The following SNRPA1 variants were observed in gnomAD, a reference collection of about 807,000 sequenced individuals.
SNRPA1 encodes the protein small nuclear ribonucleoprotein polypeptide A'.
A neutral mutation model predicts 32.3 loss-of-function variants in SNRPA1; 5 were observed. That is an observed-to-expected ratio of 0.15 (90% confidence interval 0.08 to 0.33). The LOEUF is 0.33. SNRPA1 is among the 10% of genes least tolerant of loss of function. SNRPA1 has a pLI of 1.00. For synonymous variants in SNRPA1, 111 were observed against 120.1 expected, an observed-to-expected ratio of 0.92 and a Z score of 0.50; for missense variants, 198 against 311.1, an observed-to-expected ratio of 0.64 and a Z score of 2.74.
intron 6 of SNRPA1, 71 bp from the exon 7 acceptor site, chr15:101,285,872 C>G: frequency 4.2e-6 from 5 of 1,185,896 alleles, no homozygotes; most frequent in East Asian, 2.3e-5. Context: ...CTTTCAAAAG[C>G]TTTTGAAAGT....
intron 3 of SNRPA1, among the ~76,000 whole-genome samples, chr15:101,291,001 A>G (rs1207340013): frequency 6.6e-6 from 1 of 151,902 alleles, no homozygotes; most frequent in East Asian, 1.9e-4. Context: ...CGGCCTCCCA[A>G]AGTGCTGGGA....
chr15:101,285,628 A>G, intron 7 of SNRPA1, 98 bp downstream of exon 7: 1 of 819,130 alleles, frequency 1.2e-6, no homozygotes, highest in Non-Finnish European at 2.1e-6. Flanking sequence ...ACTGTGGGAA[A>G]ATGAAATCTG....
At chr15:101,289,709 A>T (rs1286411043) in intron 3 of SNRPA1, 1 of 151,994 alleles carries the variant, frequency 6.6e-6, no homozygotes, top group Admixed American at 6.6e-5. Flanking sequence ...AGGCGGGTGG[A>T]TCACAAGGTC....
chr15:101,293,398 T>G (rs2039550338), intron 1 of SNRPA1: 2 of 396,714 alleles, frequency 5.0e-6, no homozygotes, highest in Admixed American at 8.9e-5. Context: ...TAGAATCTGA[T>G]GACAACAAGG....
At chr15:101,284,649 C>T (rs1394394512) in intron 8 of SNRPA1, 12 of 215,016 alleles carry the variant, frequency 5.6e-5, no homozygotes, top group African/African-American at 6.8e-5. Context: ...ATTACAGGCG[C>T]GCACCACCAC....
At chr15:101,290,970 G>A (rs2039519532) in intron 3 of SNRPA1, among the ~76,000 whole-genome samples, 1 of 152,086 alleles carries the variant, frequency 6.6e-6, no homozygotes. Flanking sequence ...TTGAACTCCT[G>A]ACCTCGTGAT....
rs61738984 is a variant in SNRPA1, at chr15:101,295,101, G to C, written c.78C>G (p.Leu26=). 30,237 of 1,526,484 alleles carry C rather than the reference G, an allele frequency of 0.02. 2,243 individuals carry two copies. In the African/African-American group the frequency reaches 0.24, roughly 12 times the overall value. The allele number at this position is 1,526,484 out of a possible 1,614,324, so 94.6% of individuals were successfully genotyped here. ...TNAVRDRELD[L]RGYKIPVIEN... is the part of the protein sequence containing the mutation. ...CGCCCACGCCCCCGGACTCACCCCG[G>C]AGGTCCAGCTCCCGGTCGCGCACCG... The change falls in exon 1 of 9, where the codon CTC becomes CTG. Residue 26 remains leucine, a synonymous_variant. Transcript: ENST00000254193.
intron 3 of SNRPA1, 114 bp from the exon 4 acceptor site, chr15:101,287,816 T>G: frequency 1.1e-6 from 1 of 891,444 alleles, no homozygotes; most frequent in South Asian, 1.4e-5. Flanking sequence ...GAATTTTTAC[T>G]CTCTAGCAAC....
At chr15:101,293,365 C>T (rs1284332177) in intron 1 of SNRPA1, 193 bp from the exon 2 acceptor site, 1 of 452,678 alleles carries the variant, frequency 2.2e-6, no homozygotes, top group Non-Finnish European at 4.0e-6. Context: ...GAACGAGTCT[C>T]AAGTCCCCAG....
rs1347256587 is a variant in SNRPA1 at position 101,286,082 on chromosome 15, A to G, written c.539+132T>C. 2.3e-5 allele frequency: 17 copies of G among 745,842 alleles called. No homozygotes were observed. The East Asian group carries it at 4.0e-4, about 18-fold the overall frequency. 46.2% of individuals were successfully genotyped at this position (745,842 alleles called of 1,614,324 possible). On this transcript the variant is annotated intron_variant, in intron 6 of 8. Coordinates refer to ENST00000254193, the MANE Select transcript of SNRPA1 (RefSeq NM_003090.4). ...TGTGGACCATTGATGTACATGGACTATAAGCACTCAAATTTAATACCACAT... is the reference window on the plus strand; with the variant it reads ...TGTGGACCATTGATGTACATGGACTGTAAGCACTCAAATTTAATACCACAT...
Position 101,281,637 on chromosome 15 carries a change from T to G in SNRPA1, c.*87A>C. The G allele has an allele frequency of 1.1e-6, 1 of 930,950 alleles. No homozygotes were observed. The highest frequency in any genetic ancestry group is 1.8e-6 in the Non-Finnish European group (1 of 564,876). 57.7% of individuals were successfully genotyped at this position (930,950 alleles called of 1,614,324 possible). Reference sequence around the variant, plus strand: ...TTCAACAATGCTGATAGATTCCACTTTGCTAACACAAACAAGGCTATTATA... The same window carrying G: ...TTCAACAATGCTGATAGATTCCACTGTGCTAACACAAACAAGGCTATTATA... On this transcript the variant is annotated 3_prime_UTR_variant, in exon 9 of 9. Transcript: ENST00000254193.
At chr15:101,287,886 G>GCTTCTTAAAAT in intron 3 of SNRPA1, 184 bp from the exon 4 acceptor site, 1 of 556,856 alleles carries the variant, frequency 1.8e-6, no homozygotes, top group Non-Finnish European at 3.3e-6. Flanking sequence ...ATACATGGGA[G>GCTTCTTAAAAT]CTTCTTAAAA....
chr15:101,294,877 C>T (rs1176091668), intron 1 of SNRPA1: 4 of 430,844 alleles, frequency 9.3e-6, no homozygotes, highest in Non-Finnish European at 8.3e-6. Context: ...CCGTGCCTGT[C>T]AAGAGGCACG....
chr15:101,290,147 G>A (rs926498976), intron 3 of SNRPA1, among the ~76,000 whole-genome samples: 2 of 152,052 alleles, frequency 1.3e-5, no homozygotes, highest in Non-Finnish European at 2.9e-5. Flanking sequence ...TCACCAGAAA[G>A]ATATGAATAA....
At chr15:101,286,643 C>T (rs954624769) in intron 5 of SNRPA1, 14 of 464,704 alleles carry the variant, frequency 3.0e-5, no homozygotes, top group African/African-American at 2.8e-4. Flanking sequence ...TCTAGGCAGA[C>T]AATCCACTGT....
intron 2 of SNRPA1, among the ~76,000 whole-genome samples, chr15:101,292,366 T>C (rs545542546): frequency 1.3e-5 from 2 of 152,218 alleles, no homozygotes; most frequent in Non-Finnish European, 2.9e-5. Flanking sequence ...TAATTCTGGA[T>C]TCCCAGCTCA....
chr15:101,286,737 A>G (rs998996386), intron 5 of SNRPA1, 171 bp downstream of exon 5: 2 of 552,632 alleles, frequency 3.6e-6, no homozygotes, highest in Admixed American at 3.3e-5. Context: ...TAAAAGTTCT[A>G]TCATAAACTC....
chr15:101,283,273 G>A lies in SNRPA1; in HGVS notation c.710-1491C>T, dbSNP rs763790983. Among the ~76,000 whole-genome samples the A allele has an allele frequency of 2.0e-5, 3 of 152,180 alleles. 1 individual carries two copies. The highest frequency in any genetic ancestry group is 4.4e-5 in the Non-Finnish European group (3 of 68,038). ...TTAGATGAAAACAGTCTTCGGCCAG[G>A]CGCGGTGGCTCACGCCTGTAATCCC... On this transcript the variant is annotated intron_variant, in intron 8 of 8. Transcript: ENST00000254193.
At chr15:101,285,530 A>G (rs1233459923) in intron 7 of SNRPA1, among the ~76,000 whole-genome samples, 196 bp downstream of exon 7, 1 of 152,250 alleles carries the variant, frequency 6.6e-6, no homozygotes, top group Non-Finnish European at 1.5e-5. Flanking sequence ...CTGCCTCCAC[A>G]TTAATTAGCT....
Sources: allele counts gnomAD v4.1 joint callset (sites outside exome capture counted in the v4.1 genomes callset), GRCh38; gene constraint gnomAD v4.1.1; transcripts MANE v1.5; gene names NCBI Gene and HGNC (gene_info 2026-07-23, HGNC 2026-07-21).